The following PAPPA2 variants were observed in gnomAD, a reference collection of about 807,000 sequenced individuals.
PAPPA2 encodes the protein pappalysin-2.
A neutral mutation model predicts 176.4 loss-of-function variants in PAPPA2; 86 were observed. The ratio of observed to expected loss-of-function variants is 0.49; its 90% CI spans 0.41 to 0.58. The LOEUF (loss-of-function observed/expected upper bound fraction) is 0.58, where lower values mean the gene tolerates loss of function less well. Among genes scored for constraint, PAPPA2 ranks in the 20% least tolerant of loss-of-function variants. The probability of loss-of-function intolerance (pLI) is 0.00; values close to 1 mark genes in which losing one functional copy is unlikely to be tolerated. For missense variants in PAPPA2, 2,073 were observed against 2,256.9 expected, an observed-to-expected ratio of 0.92 and a Z score of 1.65; for synonymous variants, 809 against 852.2, an observed-to-expected ratio of 0.95 and a Z score of 0.88.
At position 176,708,788 on chromosome 1, in the gene PAPPA2, C is replaced by T. The variant is rs1344184504; in HGVS notation, c.3458-1195C>T. Among the ~76,000 whole-genome samples the T allele has an allele frequency of 2.0e-5, 3 of 152,158 alleles. No individual in the cohort carries two copies. The East Asian group carries it at 5.8e-4, about 29-fold the overall frequency. On this transcript the variant is annotated intron_variant, in intron 10 of 22. Coordinates refer to ENST00000367662, the MANE Select transcript of PAPPA2 (RefSeq NM_020318.3). ...ATATTGATGGACAGCTGGCAAATTA[C>T]TGGAATAGCCCTGTGGTATTGCTGT...
At chr1:176,685,664 T>A (rs575874446) in intron 4 of PAPPA2, among the ~76,000 whole-genome samples, 1 of 152,332 alleles carries the variant, frequency 6.6e-6, no homozygotes, top group African/African-American at 2.4e-5. Flanking sequence ...GAATGCACAG[T>A]CCCTCCGGCC....
intron 12 of PAPPA2, among the ~76,000 whole-genome samples, chr1:176,735,647 G>A (rs1482443219): frequency 6.6e-6 from 1 of 152,002 alleles, no homozygotes; most frequent in Non-Finnish European, 1.5e-5. Flanking sequence ...AATCAACTGA[G>A]TGTGTGAGAC....
chr1:176,532,487 C>T (rs533005354), intron 1 of PAPPA2, among the ~76,000 whole-genome samples: 3 of 152,162 alleles, frequency 2.0e-5, no homozygotes, highest in Non-Finnish European at 4.4e-5. Flanking sequence ...AAATAACACA[C>T]GCAATTTCAT....
intron 14 of PAPPA2, among the ~76,000 whole-genome samples, chr1:176,760,445 T>C (rs959230738): frequency 2.0e-5 from 3 of 152,238 alleles, no homozygotes; most frequent in Non-Finnish European, 4.4e-5. Flanking sequence ...GCTTTACTCC[T>C]AGTGAGTATC....
chr1:176,840,138 C>T, intron 21 of PAPPA2, 35 bp from the exon 22 acceptor site: 1 of 1,500,178 alleles, frequency 6.7e-7, no homozygotes, highest in Non-Finnish European at 9.3e-7. Context: ...CATAATAAGG[C>T]TATACTGAGA....
Position 176,556,985 on chromosome 1 carries a change from T to C in PAPPA2, c.663T>C (p.Pro221=), listed in dbSNP as rs1651347355. The C allele has an allele frequency of 6.2e-7, 1 of 1,613,892 alleles. No individual in the cohort carries two copies. Among genetic ancestry groups the C allele is most frequent in the Non-Finnish European group, 8.5e-7 (1 of 1,179,986 alleles). ...GDSGISSHFQ[P]WPKHSLKHRV... is the part of the protein sequence containing the mutation. ...CCGGTATCTCTTCACATTTCCAACC[T>C]TGGCCCAAGCATTCCCTTAAACACA... Residue 221 remains proline (P), a synonymous_variant, in exon 2 of 23, where the codon CCT becomes CCC. Coordinates refer to ENST00000367662, the MANE Select transcript of PAPPA2 (RefSeq NM_020318.3).
At chr1:176,680,640 G>A (rs1003436875) in intron 4 of PAPPA2, among the ~76,000 whole-genome samples, 18 of 152,054 alleles carry the variant, frequency 1.2e-4, no homozygotes, top group Non-Finnish European at 2.2e-4. Flanking sequence ...GTTATAAAGC[G>A]TTAAAAATCG....
intron 21 of PAPPA2, among the ~76,000 whole-genome samples, chr1:176,825,406 T>G (rs1666819273): frequency 6.6e-6 from 1 of 152,236 alleles, no homozygotes; most frequent in South Asian, 2.1e-4. Flanking sequence ...TGTAATTAAT[T>G]TCATATCTTG....
intron 3 of PAPPA2, among the ~76,000 whole-genome samples, chr1:176,624,597 C>T (rs1028330084): frequency 6.6e-6 from 1 of 152,182 alleles, no homozygotes; most frequent in African/African-American, 2.4e-5. Context: ...TTTCCAAACA[C>T]ATCAAGCTTC....
intron 3 of PAPPA2, among the ~76,000 whole-genome samples, chr1:176,612,764 C>A (rs915839153): frequency 6.6e-6 from 1 of 152,082 alleles, no homozygotes; most frequent in Non-Finnish European, 1.5e-5. Context: ...GATTCTGCTC[C>A]TAAGTGCAAG....
Position 176,752,869 on chromosome 1 carries a change from T to A in PAPPA2, c.4151+12673T>A, listed in dbSNP as rs532654660. Among the ~76,000 whole-genome samples the A allele has an allele frequency of 6.6e-5, 10 of 152,344 alleles. No individual in the cohort carries two copies. In the East Asian group the frequency reaches 1.9e-3, roughly 29 times the overall value. On this transcript the variant is annotated intron_variant, in intron 14 of 22. Transcript: ENST00000367662. Reference sequence around the variant, plus strand: ...GTGTGCTAGTGACACGAAAGATGTCTTTAGCCTTAGAAAGCTATTCTTGAG... The same window carrying A: ...GTGTGCTAGTGACACGAAAGATGTCATTAGCCTTAGAAAGCTATTCTTGAG...
chr1:176,568,777 T>A (rs143267968), intron 2 of PAPPA2, among the ~76,000 whole-genome samples: 2 of 152,316 alleles, frequency 1.3e-5, no homozygotes, highest in African/African-American at 4.8e-5. Context: ...GTTGTGTTCA[T>A]CCCAATAACC....
At chr1:176,485,708 A>C (rs1211905438) in intron 1 of PAPPA2, among the ~76,000 whole-genome samples, 1 of 152,186 alleles carries the variant, frequency 6.6e-6, no homozygotes, top group Non-Finnish European at 1.5e-5. Context: ...AATGCCTGTC[A>C]TATAGTAGGC....
chr1:176,510,685 A>T (rs937048705), intron 1 of PAPPA2, among the ~76,000 whole-genome samples: 1 of 151,976 alleles, frequency 6.6e-6, no homozygotes, highest in Non-Finnish European at 1.5e-5. Flanking sequence ...CATACAGATA[A>T]AAATATATAA....
chr1:176,771,754 G>A (rs760532991), intron 17 of PAPPA2, among the ~76,000 whole-genome samples: 8 of 151,772 alleles, frequency 5.3e-5, no homozygotes, highest in Non-Finnish European at 8.8e-5. Flanking sequence ...TGAATTTTAC[G>A]TATGTGCACT....
chr1:176,548,784 G>A (rs1016564749), intron 1 of PAPPA2, among the ~76,000 whole-genome samples: 9 of 152,050 alleles, frequency 5.9e-5, no homozygotes, highest in East Asian at 1.9e-4. Flanking sequence ...TGTGGTATGC[G>A]CTCAATAAAT....
intron 14 of PAPPA2, among the ~76,000 whole-genome samples, chr1:176,745,121 A>C (rs1662848272): frequency 6.6e-6 from 1 of 152,060 alleles, no homozygotes; most frequent in Admixed American, 6.6e-5. Context: ...CACCCTCATC[A>C]CATGTATTGT....
intron 3 of PAPPA2, among the ~76,000 whole-genome samples, chr1:176,661,538 A>G (rs1374900592): frequency 2.7e-5 from 4 of 149,474 alleles, no homozygotes; most frequent in African/African-American, 9.9e-5. Flanking sequence ...TGCTGTGCCT[A>G]CTAGATCCAC....
At chr1:176,534,845 A>G (rs1649986657) in intron 1 of PAPPA2, among the ~76,000 whole-genome samples, 1 of 152,186 alleles carries the variant, frequency 6.6e-6, no homozygotes, top group African/African-American at 2.4e-5. Flanking sequence ...AGAAGAATGA[A>G]GGAGAAGAAG....
Sources: allele counts gnomAD v4.1 joint callset (sites outside exome capture counted in the v4.1 genomes callset), GRCh38; gene constraint gnomAD v4.1.1; transcripts MANE v1.5; gene names NCBI Gene and HGNC (gene_info 2026-07-23, HGNC 2026-07-21).